The following KCND2 variants were observed in gnomAD, a reference collection of about 807,000 sequenced individuals.
KCND2 encodes potassium voltage-gated channel subfamily D member 2.
In KCND2, 16 loss-of-function variants were observed where a neutral mutation model predicts 54.4. That is an observed-to-expected ratio of 0.29 (90% confidence interval 0.20 to 0.45). KCND2 has a LOEUF of 0.45. Ranked by LOEUF, KCND2 falls within the 20% of genes least tolerant of loss-of-function variation. The pLI, the probability that KCND2 is intolerant of heterozygous loss-of-function variation, is 1.00. For missense variants in KCND2, 486 were observed against 824.2 expected (o/e 0.59, Z 5.02); for synonymous variants, 317 against 310.7 (o/e 1.02, Z -0.21).
intron 1 of KCND2, among the ~76,000 whole-genome samples, chr7:120,621,364 T>G (rs1373040886): frequency 6.6e-6 from 1 of 150,984 alleles, no homozygotes; most frequent in Non-Finnish European, 1.5e-5. Flanking sequence ...CCCAGTCCAC[T>G]TCATAGCCTT....
At chr7:120,562,836 C>T (rs1207948900) in intron 1 of KCND2, among the ~76,000 whole-genome samples, 1 of 152,040 alleles carries the variant, frequency 6.6e-6, no homozygotes, top group Admixed American at 6.6e-5. Context: ...CAAATACAGA[C>T]ACAGTTCAGA....
At chr7:120,635,045 C>A (rs543504447) in intron 1 of KCND2, among the ~76,000 whole-genome samples, 1 of 152,346 alleles carries the variant, frequency 6.6e-6, no homozygotes, top group Non-Finnish European at 1.5e-5. Context: ...ATTTTCTTAG[C>A]AAGTCCTTTT....
intron 1 of KCND2, among the ~76,000 whole-genome samples, chr7:120,486,980 A>G (rs1452157768): frequency 6.6e-6 from 1 of 152,214 alleles, no homozygotes; most frequent in Non-Finnish European, 1.5e-5. Context: ...CTTGACTGAC[A>G]TAAGCAAATT....
chr7:120,494,997 T>C (rs1195989641), intron 1 of KCND2, among the ~76,000 whole-genome samples: 1 of 152,202 alleles, frequency 6.6e-6, no homozygotes, highest in African/African-American at 2.4e-5. Flanking sequence ...GAGTGTATAA[T>C]TGGTGCTGTG....
chr7:120,504,017 C>A (rs946024019), intron 1 of KCND2, among the ~76,000 whole-genome samples: 1 of 151,872 alleles, frequency 6.6e-6, no homozygotes, highest in Non-Finnish European at 1.5e-5. Context: ...TATGCTTTCC[C>A]TTAGGTTATA....
chr7:120,335,524 T>C (rs1800137662), intron 1 of KCND2, among the ~76,000 whole-genome samples: 1 of 149,134 alleles, frequency 6.7e-6, no homozygotes, highest in Non-Finnish European at 1.5e-5. Context: ...TCTCGCTCTG[T>C]CGCCCAGGCT....
intron 1 of KCND2, among the ~76,000 whole-genome samples, chr7:120,662,509 C>T (rs192909294): frequency 6.6e-6 from 1 of 152,176 alleles, no homozygotes; most frequent in Non-Finnish European, 1.5e-5. Flanking sequence ...ATGGATCTCT[C>T]TATTGCATGT....
At chr7:120,548,964 C>T (rs1792075267) in intron 1 of KCND2, among the ~76,000 whole-genome samples, 1 of 151,998 alleles carries the variant, frequency 6.6e-6, no homozygotes, top group African/African-American at 2.4e-5. Context: ...ATTTTTGTTT[C>T]AATGCCTGTT....
intron 1 of KCND2, among the ~76,000 whole-genome samples, chr7:120,593,379 C>T (rs1792694905): frequency 6.6e-6 from 1 of 152,130 alleles, no homozygotes; most frequent in African/African-American, 2.4e-5. Context: ...AAGTAAATTT[C>T]CCTACCAGAT....
intron 1 of KCND2, among the ~76,000 whole-genome samples, chr7:120,602,860 T>C (rs188790349): frequency 4.5e-4 from 68 of 152,316 alleles, no homozygotes; most frequent in Non-Finnish European, 2.9e-5. Context: ...CAGAAGCAGT[T>C]CGTGAGAGTA....
At chr7:120,461,700 A>G (rs1802285752) in intron 1 of KCND2, among the ~76,000 whole-genome samples, 1 of 152,296 alleles carries the variant, frequency 6.6e-6, no homozygotes, top group South Asian at 2.1e-4. Context: ...TATGTAGATT[A>G]ATGGAAATTG....
At chr7:120,651,985 T>C (rs968174224) in intron 1 of KCND2, among the ~76,000 whole-genome samples, 2 of 152,226 alleles carry the variant, frequency 1.3e-5, no homozygotes, top group Non-Finnish European at 2.9e-5. Context: ...ATGGGAAATC[T>C]GTTAATTTTA....
intron 1 of KCND2, among the ~76,000 whole-genome samples, chr7:120,680,402 C>A (rs1035708764): frequency 5.9e-5 from 9 of 152,108 alleles, no homozygotes; most frequent in Non-Finnish European, 1.3e-4. Context: ...AGACTGTGAA[C>A]CCCATGAGGG....
intron 1 of KCND2, among the ~76,000 whole-genome samples, chr7:120,548,418 A>G (rs1427631199): frequency 6.6e-6 from 1 of 152,046 alleles, no homozygotes; most frequent in African/African-American, 2.4e-5. Context: ...TTTAAATGGC[A>G]TTGTCAATTC....
chr7:120,674,162 C>T (rs1368656947), intron 1 of KCND2, among the ~76,000 whole-genome samples: 1 of 152,116 alleles, frequency 6.6e-6, no homozygotes, highest in African/African-American at 2.4e-5. Context: ...CCTCAGCCTC[C>T]CCAAGTGCAG....
intron 1 of KCND2, among the ~76,000 whole-genome samples, chr7:120,428,167 T>TA (rs1174019439): frequency 6.6e-6 from 1 of 152,200 alleles, no homozygotes; most frequent in Non-Finnish European, 1.5e-5. Flanking sequence ...ACTCATTCTT[T>TA]AAAAATCAAT....
chr7:120,529,561 G>A (rs553263112), intron 1 of KCND2, among the ~76,000 whole-genome samples: 21 of 152,212 alleles, frequency 1.4e-4, no homozygotes, highest in African/African-American at 4.6e-4. Context: ...CTCTGCCATC[G>A]GGATTATTTC....
intron 5 of KCND2, among the ~76,000 whole-genome samples, chr7:120,747,142 T>C (rs1793017336): frequency 6.6e-6 from 1 of 152,126 alleles, no homozygotes; most frequent in Non-Finnish European, 1.5e-5. Flanking sequence ...GAGTATACAA[T>C]TCATCCAATA....
chr7:120,576,952 G>C (rs558857794), intron 1 of KCND2, among the ~76,000 whole-genome samples: 1 of 152,268 alleles, frequency 6.6e-6, no homozygotes, highest in East Asian at 1.9e-4. Flanking sequence ...TTCAAGATCA[G>C]CCTGGGCAAC....
Sources: allele counts gnomAD v4.1 joint callset (sites outside exome capture counted in the v4.1 genomes callset), GRCh38; gene constraint gnomAD v4.1.1; transcripts MANE v1.5; gene names NCBI Gene and HGNC (gene_info 2026-07-23, HGNC 2026-07-21).